The following SYT2 variants were observed in gnomAD, a reference collection of about 807,000 sequenced individuals.
SYT2 encodes the protein synaptotagmin 2, also known as synaptotagmin-2.
SYT2 carries 15 observed loss-of-function variants against 39.9 expected under a neutral mutation model. The observed-to-expected ratio is 0.38, with a 90% CI of 0.25 to 0.58. The LOEUF (loss-of-function observed/expected upper bound fraction) is 0.58. Ranked by LOEUF, SYT2 falls within the 20% of genes least tolerant of loss-of-function variation. SYT2 has a pLI of 0.70. For missense variants in SYT2, 389 were observed against 530.3 expected (o/e 0.73, Z 2.62); for synonymous variants, 181 against 204.5 (o/e 0.89, Z 0.98).
At chr1:202,673,373 A>C (rs550203906) in intron 1 of SYT2, among the ~76,000 whole-genome samples, 1 of 152,370 alleles carries the variant, frequency 6.6e-6, no homozygotes, top group South Asian at 2.1e-4. Context: ...CTGGACCCTC[A>C]GTTACATTGC....
chr1:202,630,004 T>A (rs1339024376), intron 1 of SYT2, among the ~76,000 whole-genome samples: 2 of 151,796 alleles, frequency 1.3e-5, no homozygotes, highest in Non-Finnish European at 2.9e-5. Flanking sequence ...TATCAGCATT[T>A]GGAGGATTTG....
chr1:202,636,868 G>A (rs1691752298), intron 1 of SYT2, among the ~76,000 whole-genome samples: 1 of 152,204 alleles, frequency 6.6e-6, no homozygotes, highest in Non-Finnish European at 1.5e-5. Flanking sequence ...GAGGTAACAA[G>A]TGTTTAAGTA....
rs560973023 is a variant in SYT2, at chr1:202,616,716, G to C, written c.-17-10927C>G. Among the ~76,000 whole-genome samples, 3 of 152,342 alleles carry C rather than the reference G, an allele frequency of 2.0e-5. No homozygotes were observed. In the South Asian group the frequency reaches 6.2e-4, roughly 32 times the overall value. ...CCTGAGCTGTGGTCAGCTGGCCGCT[G>C]CCTGCTTTTGTCATAACTGTGACTA... On this transcript the variant is annotated intron_variant, in intron 1 of 8. Coordinates refer to ENST00000367268, the MANE Select transcript of SYT2 (RefSeq NM_177402.5).
intron 1 of SYT2, among the ~76,000 whole-genome samples, chr1:202,610,665 C>A (rs1426167723): frequency 6.6e-6 from 1 of 152,192 alleles, no homozygotes; most frequent in Non-Finnish European, 1.5e-5. Context: ...CACAAGCATT[C>A]TTATACACCA....
Position 202,592,916 on chromosome 1 carries a change from C to T in SYT2, c.*3841G>A, listed in dbSNP as rs1332486112. On this transcript the variant is annotated 3_prime_UTR_variant, in exon 9 of 9. Transcript: ENST00000367268. ...CAACTATTTGCCTAGGACATATTTA[C>T]ACTTAATAATTGTTTGTTGTTGAAC... is the stretch of plus-strand genomic sequence containing the variant. 2 of 152,206 alleles carry T rather than the reference C, an allele frequency of 1.3e-5. No individual in the cohort carries two copies. Among genetic ancestry groups the T allele is most frequent in the African/African-American group, 4.8e-5 (2 of 41,458 alleles). The allele number at this position is 152,206 out of a possible 1,614,324, so 9.4% of individuals were successfully genotyped here.
At chr1:202,675,364 ATAAT>A (rs903215221) in intron 1 of SYT2, among the ~76,000 whole-genome samples, 17 of 148,438 alleles carry the variant, frequency 1.1e-4, no homozygotes, top group Middle Eastern at 3.3e-3. Flanking sequence ...AATTATATAT[ATAAT>A]TAATATATAT....
At position 202,596,562 on chromosome 1, in the gene SYT2, C is replaced by T; in HGVS notation, c.*195G>A. The stretch of plus-strand genomic sequence containing the variant: ...GAACAGAGCCAGGCTTCTCTTTCAC[C>T]TCTTAGGGGACTCTCCTCACACAGC... On this transcript the variant is annotated 3_prime_UTR_variant, in exon 9 of 9. Coordinates refer to ENST00000367268, the MANE Select transcript of SYT2 (RefSeq NM_177402.5). The T allele has an allele frequency of 3.4e-6, 2 of 582,632 alleles. No individual in the cohort carries two copies. The highest frequency in any genetic ancestry group is 6.0e-6 in the Non-Finnish European group (2 of 333,700). The allele number at this position is 582,632 out of a possible 1,614,324, so 36.1% of individuals were successfully genotyped here.
intron 1 of SYT2, among the ~76,000 whole-genome samples, chr1:202,622,796 G>A (rs1274389840): frequency 6.6e-6 from 1 of 152,134 alleles, no homozygotes; most frequent in Non-Finnish European, 1.5e-5. Flanking sequence ...ATTTCTCTCT[G>A]AACCTAGACC....
intron 1 of SYT2, among the ~76,000 whole-genome samples, chr1:202,654,694 G>A (rs552484512): frequency 1.2e-4 from 19 of 152,184 alleles, no homozygotes; most frequent in Non-Finnish European, 2.2e-4. Context: ...GCACTATGGA[G>A]TGTGGGACGG....
intron 1 of SYT2, among the ~76,000 whole-genome samples, chr1:202,700,560 C>A (rs1479125193): frequency 2.0e-5 from 3 of 152,184 alleles, no homozygotes; most frequent in African/African-American, 7.2e-5. Context: ...AATAGTAACT[C>A]ATTACCTGTT....
intron 1 of SYT2, among the ~76,000 whole-genome samples, chr1:202,706,097 C>T (rs1213640335): frequency 6.6e-6 from 1 of 152,098 alleles, no homozygotes; most frequent in African/African-American, 2.4e-5. Flanking sequence ...ACTCTCAGGT[C>T]CCTCTGGGCC....
chr1:202,700,272 G>A (rs1313770350), intron 1 of SYT2, among the ~76,000 whole-genome samples: 1 of 152,160 alleles, frequency 6.6e-6, no homozygotes, highest in African/African-American at 2.4e-5. Flanking sequence ...AAGGCTGCCA[G>A]GCTGACTCTG....
chr1:202,677,596 C>T (rs935583360), intron 1 of SYT2, among the ~76,000 whole-genome samples: 2 of 152,182 alleles, frequency 1.3e-5, no homozygotes, highest in African/African-American at 2.4e-5. Flanking sequence ...CCTCCAGGGG[C>T]CCCAAAGAAA....
At chr1:202,624,131 GGT>G (rs1473543105) in intron 1 of SYT2, among the ~76,000 whole-genome samples, 1 of 152,122 alleles carries the variant, frequency 6.6e-6, no homozygotes, top group South Asian at 2.1e-4. Flanking sequence ...TGAGTGTGGT[GGT>G]GTGTGTGTGA....
intron 1 of SYT2, among the ~76,000 whole-genome samples, chr1:202,656,885 C>T (rs979173905): frequency 1.2e-4 from 19 of 152,202 alleles, no homozygotes; most frequent in African/African-American, 4.6e-4. Context: ...TAAAATCTCT[C>T]TCCCTGTGGC....
intron 1 of SYT2, among the ~76,000 whole-genome samples, chr1:202,626,160 G>A (rs1248929069): frequency 2.0e-5 from 3 of 152,122 alleles, no homozygotes; most frequent in East Asian, 3.9e-4. Flanking sequence ...GGCCCTGTAC[G>A]TGGGTAATGG....
At chr1:202,658,060 T>C (rs1359639402) in intron 1 of SYT2, among the ~76,000 whole-genome samples, 1 of 152,106 alleles carries the variant, frequency 6.6e-6, no homozygotes, top group African/African-American at 2.4e-5. Context: ...TCGAGTGACC[T>C]TGGGCAAGTC....
At chr1:202,687,374 T>A (rs1043451525) in intron 1 of SYT2, among the ~76,000 whole-genome samples, 1 of 152,164 alleles carries the variant, frequency 6.6e-6, no homozygotes, top group African/African-American at 2.4e-5. Context: ...ATTGTCTTCA[T>A]CTCTACGTGA....
intron 1 of SYT2, among the ~76,000 whole-genome samples, chr1:202,661,225 T>C (rs563914711): frequency 6.6e-6 from 1 of 152,060 alleles, no homozygotes; most frequent in East Asian, 1.9e-4. Flanking sequence ...GTGGAAGAGA[T>C]AGCCCTTAGG....
Sources: gnomAD v4.1 joint callset for allele counts (sites outside exome capture counted in the v4.1 genomes callset) on GRCh38, gnomAD v4.1.1 for gene constraint, MANE v1.5 for transcripts, NCBI Gene and HGNC (gene_info 2026-07-23, HGNC 2026-07-21) for gene names.